AGMO: variants seen among roughly 807,000 people sequenced by gnomAD.
The protein encoded by AGMO is glyceryl-ether monooxygenase.
Under a neutral mutation model 60.2 loss-of-function variants are expected in AGMO, and 75 were observed. The ratio of observed to expected loss-of-function variants is 1.25; its 90% CI spans 1.03 to 1.51. The LOEUF (loss-of-function observed/expected upper bound fraction) is 1.51. AGMO is among the 40% of genes most tolerant of loss of function. The probability of loss-of-function intolerance (pLI) is 0.00; values close to 1 mark genes in which losing one functional copy is unlikely to be tolerated. For missense variants in AGMO, 763 were observed against 525.5 expected (o/e 1.45, Z -4.42); for synonymous variants, 261 against 177.1 (o/e 1.47, Z -3.76).
At chr7:15,528,178 C>A (rs1784174115) in intron 3 of AGMO, among the ~76,000 whole-genome samples, 1 of 151,822 alleles carries the variant, frequency 6.6e-6, no homozygotes, top group African/African-American at 2.4e-5. Flanking sequence ...ATTGAAGGCC[C>A]TGATGATCAT....
the AGMO span, among the ~76,000 whole-genome samples, chr7:15,182,909 T>C: frequency 3.9e-5 from 6 of 152,040 alleles, no homozygotes; most frequent in Non-Finnish European, 7.4e-5. Flanking sequence ...TATAAGGCCA[T>C]ACAGGAGGAA....
intron 3 of AGMO, among the ~76,000 whole-genome samples, chr7:15,506,544 T>C (rs1783517125): frequency 6.6e-6 from 1 of 152,072 alleles, no homozygotes; most frequent in Admixed American, 6.6e-5. Context: ...TTTATGACTG[T>C]TTTTGTTTTG....
the AGMO span, among the ~76,000 whole-genome samples, chr7:15,124,212 C>G: frequency 1.3e-3 from 192 of 152,050 alleles, no homozygotes; most frequent in Middle Eastern, 3.4e-3. Context: ...ACCAGCAAAC[C>G]TGTTAACAGA....
intron 12 of AGMO, among the ~76,000 whole-genome samples, chr7:15,294,982 A>C (rs1274950807): frequency 6.6e-6 from 1 of 151,854 alleles, no homozygotes; most frequent in African/African-American, 2.4e-5. Context: ...ATTATGGAAG[A>C]AACTAAAATC....
Position 15,418,599 on chromosome 7 carries a change from G to C in AGMO, c.568C>G (p.Leu190Val), listed in dbSNP as rs777374176. ...AATTGGTAAAGAAGATTGAATTGAAGATGAACAGCATATACTGAAGGGGGT... is the reference window on the plus strand; with the variant it reads ...AATTGGTAAAGAAGATTGAATTGAACATGAACAGCATATACTGAAGGGGGT... The part of the protein sequence containing the change: ...FIPPSVYAVH[L>V]QFNLLYQFWI... Residue 190 changes from leucine to valine, a missense_variant, in exon 5 of 13, where the codon CTT becomes GTT. Physicochemically the swap from Leu to Val is conservative, Grantham distance 32 (BLOSUM62 1). Transcript: ENST00000342526. 6.3e-7 allele frequency: 1 copy of C among 1,588,056 alleles called. No homozygotes were observed. Among genetic ancestry groups the C allele is most frequent in the Non-Finnish European group, 8.5e-7 (1 of 1,171,012 alleles).
chr7:15,409,364 G>C (rs539000451), intron 5 of AGMO, among the ~76,000 whole-genome samples: 5 of 151,890 alleles, frequency 3.3e-5, no homozygotes, highest in African/African-American at 7.2e-5. Context: ...GTGAAACCCA[G>C]ATAAATGTAT....
At chr7:15,151,705 T>C in the AGMO span, among the ~76,000 whole-genome samples, 1 of 152,070 alleles carries the variant, frequency 6.6e-6, no homozygotes, top group Non-Finnish European at 1.5e-5. Context: ...TAAAAATCTG[T>C]TGGGAATTGC....
chr7:15,365,051 GA>G (rs901514521), intron 12 of AGMO, among the ~76,000 whole-genome samples: 6 of 151,930 alleles, frequency 3.9e-5, no homozygotes, highest in Non-Finnish European at 2.9e-5. Context: ...TTCAGCTGTA[GA>G]AAAATCCCAC....
At chr7:15,208,932 T>C (rs1781507391) in intron 12 of AGMO, among the ~76,000 whole-genome samples, 1 of 152,212 alleles carries the variant, frequency 6.6e-6, no homozygotes, top group African/African-American at 2.4e-5. Context: ...CGACATTTAA[T>C]CTAAATTCAA....
chr7:15,178,237 A>G, the AGMO span, among the ~76,000 whole-genome samples: 82,152 of 152,014 alleles, frequency 0.54, 23,134 homozygotes, highest in East Asian at 0.79. Flanking sequence ...TTCCAGAGAA[A>G]TATTCTGAGT....
chr7:15,346,103 A>G (rs1273514446), intron 12 of AGMO, among the ~76,000 whole-genome samples: 1 of 152,204 alleles, frequency 6.6e-6, no homozygotes, highest in East Asian at 1.9e-4. Flanking sequence ...TGGTTGGTAT[A>G]GCCAAAAATT....
At chr7:15,163,146 T>C in the AGMO span, among the ~76,000 whole-genome samples, 1 of 152,252 alleles carries the variant, frequency 6.6e-6, no homozygotes, top group South Asian at 2.1e-4. Context: ...TGTACAGAAA[T>C]GCTAGTGATT....
chr7:15,312,739 C>A (rs1780803749), intron 12 of AGMO, among the ~76,000 whole-genome samples: 1 of 151,446 alleles, frequency 6.6e-6, no homozygotes, highest in Admixed American at 6.6e-5. Flanking sequence ...CTGGAGTGCA[C>A]TGGCAATGAT....
intron 12 of AGMO, among the ~76,000 whole-genome samples, chr7:15,361,377 A>G (rs1229844802): frequency 1.9e-4 from 29 of 151,654 alleles, no homozygotes; most frequent in Non-Finnish European, 1.3e-4. Context: ...ATCTCTACTA[A>G]AAATACAAAA....
At chr7:15,122,981 C>G in the AGMO span, among the ~76,000 whole-genome samples, 1 of 152,054 alleles carries the variant, frequency 6.6e-6, no homozygotes, top group African/African-American at 2.4e-5. Flanking sequence ...TAATCTGGCC[C>G]TCCTGATGCT....
the AGMO span, among the ~76,000 whole-genome samples, chr7:15,140,143 C>G: frequency 2.0e-5 from 3 of 151,786 alleles, no homozygotes; most frequent in South Asian, 6.2e-4. Flanking sequence ...GAAAAAGTTT[C>G]ATTCAGGCTT....
At chr7:15,238,811 T>C (rs979631901) in intron 12 of AGMO, among the ~76,000 whole-genome samples, 1 of 152,072 alleles carries the variant, frequency 6.6e-6, no homozygotes, top group African/African-American at 2.4e-5. Context: ...TAAAATGTCA[T>C]AGAAAGTCAT....
At chr7:15,229,851 G>A (rs1276514452) in intron 12 of AGMO, among the ~76,000 whole-genome samples, 1 of 150,484 alleles carries the variant, frequency 6.6e-6, no homozygotes, top group Non-Finnish European at 1.5e-5. Context: ...ATTTGATACT[G>A]TAGAATTCAA....
intron 12 of AGMO, among the ~76,000 whole-genome samples, chr7:15,238,238 C>T (rs999551961): frequency 3.9e-5 from 6 of 151,960 alleles, no homozygotes; most frequent in African/African-American, 1.2e-4. Flanking sequence ...AATACACACA[C>T]GTGTGTGTAT....
Sources: allele counts gnomAD v4.1 joint callset (sites outside exome capture counted in the v4.1 genomes callset), GRCh38; gene constraint gnomAD v4.1.1; transcripts MANE v1.5; gene names NCBI Gene and HGNC (gene_info 2026-07-23, HGNC 2026-07-21).